MS4A3: variants seen among roughly 807,000 people sequenced by gnomAD.
MS4A3 encodes membrane-spanning 4-domains subfamily A member 3.
Under a neutral mutation model 24.7 loss-of-function variants are expected in MS4A3, and 18 were observed. The ratio of observed to expected loss-of-function variants is 0.73; its 90% CI spans 0.50 to 1.08. The LOEUF (loss-of-function observed/expected upper bound fraction) is 1.08. Ranked by LOEUF, MS4A3 falls within the 50% of genes least tolerant of loss-of-function variation. The pLI is 0.00. For missense variants in MS4A3, 282 were observed against 251.7 expected, an observed-to-expected ratio of 1.12 and a Z score of -0.82; for synonymous variants, 84 against 95.3, an observed-to-expected ratio of 0.88 and a Z score of 0.69.
chr11:60,069,264 A>G (rs572293168), intron 5 of MS4A3, among the ~76,000 whole-genome samples: 3 of 152,202 alleles, frequency 2.0e-5, no homozygotes, highest in African/African-American at 7.2e-5. Flanking sequence ...TTAGTTTACT[A>G]CTATTCAGAT....
At position 60,061,335 on chromosome 11, in the gene MS4A3, A is replaced by G. The variant is rs749608141; in HGVS notation, c.156+19A>G. 3.8e-6 allele frequency: 6 copies of G among 1,595,514 alleles called. No homozygotes were observed. In the Admixed American group the frequency reaches 8.9e-5, roughly 24 times the overall value. On this transcript the variant is annotated intron_variant, in intron 2 of 6. Coordinates refer to ENST00000278865, the MANE Select transcript of MS4A3 (RefSeq NM_006138.5). ...TCTTGGGGTAAGTCAGCCTTAGTTT[A>G]AACACTGATTTAAGAGGGAAGAAAA... is the stretch of plus-strand genomic sequence containing the variant.
At chr11:60,057,167 A>G (rs1855183833) in intron 1 of MS4A3, among the ~76,000 whole-genome samples, 1 of 152,114 alleles carries the variant, frequency 6.6e-6, no homozygotes, top group Non-Finnish European at 1.5e-5. Context: ...TTAGCTTCTC[A>G]AATTGCTGGC....
chr11:60,068,125 C>T (rs1434813272), intron 5 of MS4A3, among the ~76,000 whole-genome samples: 8 of 151,928 alleles, frequency 5.3e-5, no homozygotes, highest in Admixed American at 2.0e-4. Context: ...GAGAGATTTA[C>T]AACTTTCTCT....
At chr11:60,064,515 G>A (rs1855328775) in intron 4 of MS4A3, among the ~76,000 whole-genome samples, 197 bp downstream of exon 4, 1 of 152,142 alleles carries the variant, frequency 6.6e-6, no homozygotes, top group Non-Finnish European at 1.5e-5. Flanking sequence ...TGGGATGCTT[G>A]CTCTTAATAT....
chr11:60,069,379 G>A (rs1855436386), intron 5 of MS4A3, among the ~76,000 whole-genome samples, 195 bp from the exon 6 acceptor site: 1 of 152,222 alleles, frequency 6.6e-6, no homozygotes, highest in Admixed American at 6.5e-5. Context: ...TTTCTCATTA[G>A]AGAAAATGTT....
At chr11:60,062,762 C>A (rs1016632732) in intron 3 of MS4A3, 157 bp downstream of exon 3, 86 of 534,986 alleles carry the variant, frequency 1.6e-4, no homozygotes, top group Non-Finnish European at 1.5e-5. Flanking sequence ...ACGATAAACT[C>A]TTTTTTATTT....
intron 1 of MS4A3, 61 bp from the exon 2 acceptor site, chr11:60,061,085 A>C (rs954271640): frequency 1.4e-6 from 2 of 1,478,128 alleles, no homozygotes; most frequent in Non-Finnish European, 9.1e-7. Context: ...AACACTCAAA[A>C]TTTTAGTAGC....
At chr11:60,061,403 G>C in intron 2 of MS4A3, 87 bp downstream of exon 2, 1 of 1,468,326 alleles carries the variant, frequency 6.8e-7, no homozygotes, top group South Asian at 1.3e-5. Flanking sequence ...TGAACTGTGA[G>C]GATTCCCTTA....
chr11:60,061,502 G>A, intron 2 of MS4A3, 186 bp downstream of exon 2: 3 of 711,030 alleles, frequency 4.2e-6, no homozygotes. Context: ...TATTCAACGT[G>A]AAGAGGATGA....
chr11:60,063,404 A>C (rs1011704332), intron 3 of MS4A3, among the ~76,000 whole-genome samples: 4 of 152,134 alleles, frequency 2.6e-5, no homozygotes, highest in Admixed American at 2.0e-4. Flanking sequence ...TACTTCCCTG[A>C]TGGTTCATTT....
In MS4A3 at chr11:60,070,267, T is replaced by A. The variant is rs1279180920; in HGVS notation, c.*34T>A. ...ACCTCCTTAATTCTGAGAGCATGAATATTTGACCTTAAATCTCCAGTGACT... is the reference window on the plus strand; with the variant it reads ...ACCTCCTTAATTCTGAGAGCATGAAAATTTGACCTTAAATCTCCAGTGACT... On this transcript the variant is annotated 3_prime_UTR_variant, in exon 7 of 7. Transcript: ENST00000278865. 2.7e-6 allele frequency: 4 copies of A among 1,501,826 alleles called. No individual in the cohort carries two copies. The highest frequency in any genetic ancestry group is 3.7e-6 in the Non-Finnish European group (4 of 1,085,298). 93.0% of individuals were successfully genotyped at this position (1,501,826 alleles called of 1,614,324 possible). A position where few individuals can be genotyped will look rare whatever the true frequency, so the allele number is the denominator to read the frequency against.
chr11:60,061,339 A>G (rs1855271576), intron 2 of MS4A3, 23 bp downstream of exon 2: 1 of 1,592,558 alleles, frequency 6.3e-7, no homozygotes, highest in African/African-American at 1.4e-5. Context: ...TAGTTTAAAC[A>G]CTGATTTAAG....
intron 1 of MS4A3, among the ~76,000 whole-genome samples, chr11:60,060,046 C>T (rs1183045380): frequency 6.6e-6 from 1 of 152,062 alleles, no homozygotes. Context: ...AGTTATCTTG[C>T]CCAACATTCA....
intron 3 of MS4A3, among the ~76,000 whole-genome samples, chr11:60,063,576 T>C (rs1436082326): frequency 1.3e-5 from 2 of 152,226 alleles, no homozygotes; most frequent in South Asian, 2.1e-4. Flanking sequence ...GTTAGATGTA[T>C]AGATTGTGAA....
chr11:60,065,650 T>A (rs501697), intron 4 of MS4A3, among the ~76,000 whole-genome samples: 41,559 of 152,120 alleles, frequency 0.27, 5,906 homozygotes, highest in South Asian at 0.5. Flanking sequence ...TCAACTCTTG[T>A]TCCTCATCTA....
intron 3 of MS4A3, among the ~76,000 whole-genome samples, chr11:60,063,448 G>A (rs1269461430): frequency 6.6e-6 from 1 of 152,054 alleles, no homozygotes; most frequent in Non-Finnish European, 1.5e-5. Flanking sequence ...TTGGCCATTT[G>A]TATATCTTCT....
chr11:60,069,665 A>G lies in MS4A3; in HGVS notation c.605A>G (p.Asn202Ser). The change falls in exon 6 of 7, where the codon AAT becomes AGT. Residue 202 changes from asparagine (N) to serine (S), a missense_variant. Physicochemically the swap from Asn to Ser is conservative, Grantham distance 46. Transcript: ENST00000278865. ...IAMWCNANCC[N>S]SREEISSPPN... ...ATGTGGTGCAATGCAAACTGCTGTA[A>G]TTCAAGAGAGGTGAGATTTTTCAAA... 1 of 1,610,740 alleles carries G rather than the reference A, an allele frequency of 6.2e-7. No homozygotes were observed. The highest frequency in any genetic ancestry group is 8.5e-7 in the Non-Finnish European group (1 of 1,176,998).
intron 4 of MS4A3, among the ~76,000 whole-genome samples, chr11:60,066,328 G>C (rs921264725): frequency 1.4e-4 from 22 of 152,154 alleles, no homozygotes; most frequent in African/African-American, 3.6e-4. Context: ...ATAAAGCCAA[G>C]TATATCATTT....
At position 60,067,908 on chromosome 11, in the gene MS4A3, C is replaced by T. The variant is rs1345482432; in HGVS notation, c.513+796C>T. Among the ~76,000 whole-genome samples, 12 of 151,728 alleles carry T rather than the reference C, an allele frequency of 7.9e-5. No individual in the cohort carries two copies. The South Asian group carries it at 1.2e-3, about 16-fold the overall frequency. ...TAAAAATACAAAAAAAAAAATTAGC[C>T]GGGCATGGTGGCAGGCGCCTGTAAT... is the stretch of plus-strand genomic sequence containing the variant. On this transcript the variant is annotated intron_variant, in intron 5 of 6. Transcript: ENST00000278865.
Sources: allele counts gnomAD v4.1 joint callset (sites outside exome capture counted in the v4.1 genomes callset), GRCh38; gene constraint gnomAD v4.1.1; transcripts MANE v1.5; gene names NCBI Gene and HGNC (gene_info 2026-07-23, HGNC 2026-07-21).